CFAP263: variants seen among roughly 807,000 people sequenced by gnomAD.
CFAP263 encodes the protein cilia and flagella associated protein 263, also known as cilia- and flagella-associated protein 263.
the CFAP263 span, chr16:58,282,409 A>AT: frequency 6.6e-6 from 1 of 152,282 alleles, no homozygotes; most frequent in African/African-American, 2.4e-5. Flanking sequence ...AAGTGCTGGG[A>AT]TTAGGCATGA....
chr16:58,255,043 G>A, the CFAP263 span, among the ~76,000 whole-genome samples: 1 of 152,152 alleles, frequency 6.6e-6, no homozygotes, highest in Non-Finnish European at 1.5e-5. Flanking sequence ...TGATTACAAG[G>A]CAAAGTCCCA....
chr16:58,268,871 A>C, the CFAP263 span, among the ~76,000 whole-genome samples: 7 of 152,182 alleles, frequency 4.6e-5, no homozygotes, highest in Middle Eastern at 3.2e-3. Context: ...TTTCTTGTTA[A>C]CGTTTTGAAA....
chr16:58,265,067 A>G, the CFAP263 span, among the ~76,000 whole-genome samples: 1 of 152,226 alleles, frequency 6.6e-6, no homozygotes, highest in Non-Finnish European at 1.5e-5. Flanking sequence ...AAATGTAAGC[A>G]TGTGACTACA....
the CFAP263 span, chr16:58,253,946 G>C: frequency 6.2e-7 from 1 of 1,603,330 alleles, no homozygotes; most frequent in Non-Finnish European, 8.5e-7. Flanking sequence ...ATCTTGGGCT[G>C]GTTCATTACC....
the CFAP263 span, among the ~76,000 whole-genome samples, chr16:58,273,584 A>G: frequency 2.0e-5 from 3 of 152,136 alleles, no homozygotes; most frequent in Non-Finnish European, 4.4e-5. Flanking sequence ...AGACATTATT[A>G]TTATTACTTT....
the CFAP263 span, among the ~76,000 whole-genome samples, chr16:58,257,658 CTT>C: frequency 1.4e-5 from 2 of 142,372 alleles, no homozygotes; most frequent in Non-Finnish European, 1.5e-5. Flanking sequence ...AATATAAAGT[CTT>C]TTTTTTTTTT....
At chr16:58,258,369 C>T in the CFAP263 span, 515 of 1,613,360 alleles carry the variant, frequency 3.2e-4, no homozygotes, top group Non-Finnish European at 3.9e-4. Context: ...CTCCCCCAGG[C>T]GATCATTGAG....
chr16:58,262,650 C>A, the CFAP263 span: 1 of 984,128 alleles, frequency 1.0e-6, no homozygotes, highest in Non-Finnish European at 1.5e-6. Context: ...TGGGTGCCCC[C>A]TCGCTGTCAA....
At chr16:58,264,372 C>G in the CFAP263 span, among the ~76,000 whole-genome samples, 2 of 152,206 alleles carry the variant, frequency 1.3e-5, no homozygotes, top group Non-Finnish European at 2.9e-5. Context: ...TGCCAGGTGG[C>G]AGGGCCTGAT....
At chr16:58,255,697 T>TACA in the CFAP263 span, among the ~76,000 whole-genome samples, 1 of 152,036 alleles carries the variant, frequency 6.6e-6, no homozygotes, top group African/African-American at 2.4e-5. Flanking sequence ...TAGCTGGGAC[T>TACA]ACAGGCTCCT....
chr16:58,252,606 G>C, the CFAP263 span: 1 of 754,050 alleles, frequency 1.3e-6, no homozygotes, highest in Non-Finnish European at 2.2e-6. Context: ...CCATTTTATA[G>C]GTGAGGAAAC....
the CFAP263 span, among the ~76,000 whole-genome samples, chr16:58,250,804 C>T: frequency 4.6e-5 from 7 of 150,868 alleles, no homozygotes; most frequent in Non-Finnish European, 8.9e-5. Flanking sequence ...AAAACTAACA[C>T]GGCAGCAGAA....
At chr16:58,278,338 C>T in the CFAP263 span, 2 of 718,898 alleles carry the variant, frequency 2.8e-6, no homozygotes, top group Admixed American at 5.9e-5. Context: ...TCTTGTGATT[C>T]CCACCCCTCC....
the CFAP263 span, among the ~76,000 whole-genome samples, chr16:58,265,525 A>G: frequency 6.6e-6 from 1 of 152,184 alleles, no homozygotes; most frequent in Non-Finnish European, 1.5e-5. Context: ...TACAGCTTCA[A>G]GGAAGTGCCT....
chr16:58,262,787 A>ATAGATAGATAGG, the CFAP263 span, among the ~76,000 whole-genome samples: 4,236 of 150,452 alleles, frequency 0.028, 88 homozygotes, highest in Non-Finnish European at 0.045. Context: ...AGATAGATAG[A>ATAGATAGATAGG]TAGATAGATA....
At chr16:58,252,844 T>C in the CFAP263 span, 3 of 1,613,832 alleles carry the variant, frequency 1.9e-6, no homozygotes, top group Non-Finnish European at 2.5e-6. Flanking sequence ...CAGCAGCAGA[T>C]TATGCACAGG....
At chr16:58,259,179 A>AGAGGT in the CFAP263 span, among the ~76,000 whole-genome samples, 3 of 152,118 alleles carry the variant, frequency 2.0e-5, no homozygotes, top group African/African-American at 7.2e-5. Flanking sequence ...GCCTATCTAG[A>AGAGGT]GAGGTGACTG....
the CFAP263 span, chr16:58,259,861 T>C: frequency 2.5e-6 from 4 of 1,571,622 alleles, no homozygotes; most frequent in Admixed American, 1.7e-5. Context: ...TAGGATAATA[T>C]GAAGGAGAAA....
At chr16:58,254,900 G>A in the CFAP263 span, among the ~76,000 whole-genome samples, 3 of 152,166 alleles carry the variant, frequency 2.0e-5, no homozygotes, top group Non-Finnish European at 4.4e-5. Context: ...CCACTGCGCC[G>A]GGCCTACAAT....
Sources: gnomAD v4.1 joint callset for allele counts (sites outside exome capture counted in the v4.1 genomes callset) on GRCh38, gnomAD v4.1.1 for gene constraint, MANE v1.5 for transcripts, NCBI Gene and HGNC (gene_info 2026-07-23, HGNC 2026-07-21) for gene names.